The following EIF5B variants were observed in gnomAD, a reference collection of about 807,000 sequenced individuals.
The protein encoded by EIF5B is eukaryotic translation initiation factor 5B.
A neutral mutation model predicts 147.5 loss-of-function variants in EIF5B; 47 were observed. The observed-to-expected ratio is 0.32, with a 90% confidence interval of 0.25 to 0.41. EIF5B has a LOEUF of 0.41. EIF5B is among the 10% of genes least tolerant of loss of function. EIF5B has a pLI of 1.00. For missense variants in EIF5B, 1,064 were observed against 1,413.2 expected (o/e 0.75, Z 3.96); for synonymous variants, 455 against 456.2 (o/e 1.00, Z 0.03).
At position 99,361,617 on chromosome 2, in the gene EIF5B, A is replaced by C. The variant is rs376145963; in HGVS notation, c.716A>C (p.Glu239Ala). ...AQKKAEKKER[E>A]RKKRDEEKAK... ...AAGAAGGCAGAAAAGAAGGAGCGCG[A>C]GAGAAAAAAGCGAGATGAAGAAAAA... is the stretch of plus-strand genomic sequence containing the variant. Residue 239 changes from glutamate to alanine, a missense_variant, in exon 4 of 24, where the codon GAG becomes GCG. Physicochemically the swap from Glu to Ala is moderately radical, Grantham distance 107. Coordinates refer to ENST00000289371, the MANE Select transcript of EIF5B (RefSeq NM_015904.4). 1 of 1,595,688 alleles carries C rather than the reference A, an allele frequency of 6.3e-7. No individual in the cohort carries two copies. The highest frequency in any genetic ancestry group is 8.5e-7 in the Non-Finnish European group (1 of 1,175,750).
At position 99,361,581 on chromosome 2, in the gene EIF5B, C is replaced by G; in HGVS notation, c.680C>G (p.Thr227Arg). Residue 227 changes from threonine to arginine, a missense_variant, in exon 4 of 24, where the codon ACA becomes AGA. Thr to Arg is a moderately conservative substitution (Grantham distance 71). Transcript: ENST00000289371. ...EDDDASFKIK[T>R]VAQKKAEKKE... Reference sequence around the variant, plus strand: ...GATGACGCCTCCTTCAAAATTAAGACAGTGGCCCAAAAGAAGGCAGAAAAG... The same window carrying G: ...GATGACGCCTCCTTCAAAATTAAGAGAGTGGCCCAAAAGAAGGCAGAAAAG... The G allele has an allele frequency of 6.2e-7, 1 of 1,609,368 alleles. No individual in the cohort carries two copies. Among genetic ancestry groups the G allele is most frequent in the Non-Finnish European group, 8.5e-7 (1 of 1,179,028 alleles).
At chr2:99,386,724 G>GGT (rs199928974) in intron 14 of EIF5B, among the ~76,000 whole-genome samples, 246 of 144,544 alleles carry the variant, frequency 1.7e-3, no homozygotes, top group African/African-American at 5.7e-3. Context: ...GCGGGGGGGC[G>GGT]GTGTGTGTGT....
intron 22 of EIF5B, chr2:99,398,505 A>T (rs982207958): frequency 5.8e-6 from 2 of 343,342 alleles, no homozygotes; most frequent in Admixed American, 4.6e-5. Context: ...TCAACAGGGC[A>T]CTTGGAATGT....
At position 99,400,138 on chromosome 2, in the gene EIF5B, T is replaced by TA. The variant is rs1553537380; in HGVS notation, c.*725dup. On this transcript the variant is annotated 3_prime_UTR_variant, in exon 24 of 24. Transcript: ENST00000289371. ...CAAGTTGTCCTCCTAGGACAAGAAT[T>TA]ATCTTACAAACTAAACTATCATCAC... is the stretch of plus-strand genomic sequence containing the variant. 7 of 152,136 alleles carry TA rather than the reference T, an allele frequency of 4.6e-5. No homozygotes were observed. Among genetic ancestry groups the TA allele is most frequent in the African/African-American group, 1.7e-4 (7 of 41,340 alleles). 9.4% of individuals were successfully genotyped at this position (152,136 alleles called of 1,614,324 possible). A position where few individuals can be genotyped will look rare whatever the true frequency, so the allele number is the denominator to read the frequency against.
rs1489593938 is a variant in EIF5B, at chr2:99,400,212, A to AATC, written c.*799_*801dup. On this transcript the variant is annotated 3_prime_UTR_variant, in exon 24 of 24. Transcript: ENST00000289371. ...GTAACAGTAGAGATTTTTATACATT[A>AATC]ATCTTGATCTGTTTTAATCTTGATC... is the stretch of plus-strand genomic sequence containing the variant. 6.8e-6 allele frequency: 1 copy of AATC among 147,236 alleles called. No individual in the cohort carries two copies. The highest frequency in any genetic ancestry group is 2.7e-5 in the African/African-American group (1 of 36,890). The allele number at this position is 147,236 out of a possible 1,614,324, so 9.1% of individuals were successfully genotyped here.
chr2:99,377,749 AG>A lies in EIF5B; in HGVS notation c.1842+1117del, dbSNP rs976845914. Among the ~76,000 whole-genome samples, 122 of 152,256 alleles carry A rather than the reference AG, an allele frequency of 8.0e-4. 1 individual carries two copies. The highest frequency in any genetic ancestry group is 3.4e-3 in the Middle Eastern group (1 of 294). On this transcript the variant is annotated intron_variant, in intron 10 of 23. Transcript: ENST00000289371. ...CCCTAGCCCCCAATATAGTCATATGAGGGGTTAGGGCTTCAAGGTAGGAATT... is the reference window on the plus strand; with the variant it reads ...CCCTAGCCCCCAATATAGTCATATGAGGGTTAGGGCTTCAAGGTAGGAATT...
intron 3 of EIF5B, among the ~76,000 whole-genome samples, chr2:99,360,764 TG>T (rs1362856369): frequency 1.4e-4 from 22 of 152,372 alleles, no homozygotes; most frequent in Non-Finnish European, 2.8e-4. Context: ...GGAGTTGTGA[TG>T]TAATCACTCG....
chr2:99,337,817 C>T (rs2094246736), intron 1 of EIF5B, among the ~76,000 whole-genome samples: 1 of 152,246 alleles, frequency 6.6e-6, no homozygotes, highest in African/African-American at 2.4e-5. Context: ...CCCCGGCACC[C>T]CTTCCCCGGC....
intron 14 of EIF5B, among the ~76,000 whole-genome samples, chr2:99,386,413 C>G (rs545979715): frequency 6.6e-6 from 1 of 151,530 alleles, no homozygotes; most frequent in South Asian, 2.1e-4. Context: ...GTATGTACTG[C>G]TGATGTATTC....
intron 1 of EIF5B, among the ~76,000 whole-genome samples, chr2:99,348,777 A>G (rs61098335): frequency 6.6e-6 from 1 of 152,114 alleles, no homozygotes; most frequent in Non-Finnish European, 1.5e-5. Context: ...CAACTTGGGG[A>G]TGGGGACGGA....
At chr2:99,364,015 G>A (rs1260415958) in intron 5 of EIF5B, among the ~76,000 whole-genome samples, 153 bp downstream of exon 5, 1 of 152,150 alleles carries the variant, frequency 6.6e-6, no homozygotes, top group Non-Finnish European at 1.5e-5. Context: ...AGATGAAGAG[G>A]TACAGCACAT....
intron 14 of EIF5B, among the ~76,000 whole-genome samples, chr2:99,387,768 T>C (rs944846383): frequency 1.3e-5 from 2 of 152,248 alleles, no homozygotes; most frequent in African/African-American, 4.8e-5. Flanking sequence ...ATATTGCATC[T>C]TTTGATCAGT....
chr2:99,388,262 CTA>C (rs1399740446), intron 14 of EIF5B, among the ~76,000 whole-genome samples: 3 of 152,000 alleles, frequency 2.0e-5, no homozygotes, highest in Non-Finnish European at 4.4e-5. Context: ...TTCCCCTTAC[CTA>C]TATGCTTTCT....
At chr2:99,378,157 G>C (rs1674602205) in intron 10 of EIF5B, among the ~76,000 whole-genome samples, 1 of 152,092 alleles carries the variant, frequency 6.6e-6, no homozygotes, top group Non-Finnish European at 1.5e-5. Context: ...TTCAGTTTCA[G>C]TTTCTACCAA....
intron 12 of EIF5B, 25 bp downstream of exon 12, chr2:99,379,453 T>C: frequency 6.4e-7 from 1 of 1,557,188 alleles, no homozygotes; most frequent in Non-Finnish European, 8.8e-7. Flanking sequence ...TTTCATGTAT[T>C]TTAATCTCTG....
intron 18 of EIF5B, among the ~76,000 whole-genome samples, chr2:99,393,839 C>T (rs145105438): frequency 7.3e-4 from 111 of 152,302 alleles, no homozygotes; most frequent in Non-Finnish European, 1.3e-3. Flanking sequence ...TCCCGACAAG[C>T]AGTGATGGAG....
rs1287731306 is a variant in EIF5B, at chr2:99,357,010, C to G, written c.36-3226C>G. 1.3e-5 allele frequency among the ~76,000 whole-genome samples: 2 copies of G among 152,158 alleles called. 1 individual carries two copies. The highest frequency in any genetic ancestry group is 2.9e-5 in the Non-Finnish European group (2 of 68,036). On this transcript the variant is annotated intron_variant, in intron 1 of 23. Coordinates refer to ENST00000289371, the MANE Select transcript of EIF5B (RefSeq NM_015904.4). ...AGGTCTTTCAGCTAGTAGTGCTTTG[C>G]AAATATCTCTTTCAGTCTGTGGTTA...
chr2:99,344,389 G>T (rs1574917045), intron 1 of EIF5B, among the ~76,000 whole-genome samples: 2 of 150,650 alleles, frequency 1.3e-5, no homozygotes, highest in South Asian at 4.2e-4. Flanking sequence ...GTCTGTGTCA[G>T]TGTTGCCACC....
At chr2:99,393,218 T>C in intron 18 of EIF5B, 120 bp downstream of exon 18, 1 of 878,870 alleles carries the variant, frequency 1.1e-6, no homozygotes, top group Non-Finnish European at 1.6e-6. Flanking sequence ...CTGCCATTTC[T>C]TGGCCTCTTA....
Sources: allele counts gnomAD v4.1 joint callset (sites outside exome capture counted in the v4.1 genomes callset), GRCh38; gene constraint gnomAD v4.1.1; transcripts MANE v1.5; gene names NCBI Gene and HGNC (gene_info 2026-07-23, HGNC 2026-07-21).